The following ANKRD36B variants were observed in gnomAD, a reference collection of about 807,000 sequenced individuals.
ANKRD36B encodes the protein ankyrin repeat domain-containing protein 36B.
Under a neutral mutation model 135.7 loss-of-function variants are expected in ANKRD36B, and 37 were observed. The observed-to-expected ratio is 0.27, with a 90% CI of 0.21 to 0.36. The LOEUF is 0.36. ANKRD36B is among the 10% of genes least tolerant of loss of function. The pLI is 1.00. For missense variants in ANKRD36B, 549 were observed against 1,037.1 expected, an observed-to-expected ratio of 0.53 and a Z score of 6.46; for synonymous variants, 179 against 348.1, an observed-to-expected ratio of 0.51 and a Z score of 5.41.
At chr2:97,565,542 G>A (rs1417421269) in intron 6 of ANKRD36B, among the ~76,000 whole-genome samples, 1 of 152,146 alleles carries the variant, frequency 6.6e-6, no homozygotes, top group Non-Finnish European at 1.5e-5. Context: ...GTGGGCAAAG[G>A]ATATGAACAG....
At chr2:97,547,388 T>A (rs910828401) in intron 22 of ANKRD36B, 148 bp downstream of exon 22, 16 of 990,986 alleles carry the variant, frequency 1.6e-5, no homozygotes, top group African/African-American at 9.8e-5. Context: ...AGCAACACTA[T>A]CACCCACGAA....
intron 4 of ANKRD36B, among the ~76,000 whole-genome samples, chr2:97,579,566 G>A (rs1425683694): frequency 2.1e-5 from 3 of 144,602 alleles, no homozygotes; most frequent in East Asian, 2.0e-4. Flanking sequence ...TCCTTCAAGG[G>A]TGGTTGTGTA....
At chr2:97,564,165 T>A (rs7587359) in intron 6 of ANKRD36B, among the ~76,000 whole-genome samples, 85,307 of 149,716 alleles carry the variant, frequency 0.57, 25,515 homozygotes, top group Non-Finnish European at 0.67. Flanking sequence ...TTGCTTTTTT[T>A]AAAAAAAAAT....
Position 97,585,114 on chromosome 2 carries a change from C to T in ANKRD36B, c.280G>A (p.Val94Ile), listed in dbSNP as rs1388244606. ...GCACAAGCCTCCTGCCTCAGTTGTA[C>T]AGCCTGTCAGTATTAGACCGAGAAA... Reference protein sequence around the residue: ...REDRTPLIKAVQLRQEACATL... With the variant: ...REDRTPLIKAIQLRQEACATL... The change falls in exon 3 of 44, where the codon GTA becomes ATA. Residue 94 changes from valine (V) to isoleucine (I), a missense_variant. Transcript: ENST00000359901. The T allele has an allele frequency of 1.2e-5, 19 of 1,613,512 alleles. No homozygotes were observed. Among genetic ancestry groups the T allele is most frequent in the South Asian group, 6.6e-5 (6 of 91,038 alleles).
At chr2:97,558,203 T>C (rs2080702598) in intron 10 of ANKRD36B, among the ~76,000 whole-genome samples, 1 of 152,040 alleles carries the variant, frequency 6.6e-6, no homozygotes, top group Non-Finnish European at 1.5e-5. Flanking sequence ...TAGTACTCCT[T>C]CCTGCTTCCA....
At chr2:97,578,833 T>C (rs564251461) in intron 5 of ANKRD36B, 73 bp downstream of exon 5, 95 of 1,558,968 alleles carry the variant, frequency 6.1e-5, no homozygotes, top group Non-Finnish European at 8.3e-5. Flanking sequence ...TCACCTGATA[T>C]ATAAGATGCA....
In ANKRD36B at chr2:97,525,010, AAAT is replaced by A. The variant is rs2078117348; in HGVS notation, c.2266-1546_2266-1544del. On this transcript the variant is annotated intron_variant, in intron 35 of 43. Coordinates refer to ENST00000359901, the MANE Select transcript of ANKRD36B (RefSeq NM_001393939.1). ...ATGTTTTAGAAATAACTCTATCTTT[AAAT>A]AATCAAGTGTAAAAAGAGAAAAATT... 3.1e-5 allele frequency: 3 copies of A among 97,680 alleles called. 1 individual carries two copies. In the South Asian group the frequency reaches 7.0e-4, roughly 23 times the overall value. 6.1% of individuals were successfully genotyped at this position (97,680 alleles called of 1,614,324 possible). A position where few individuals can be genotyped will look rare whatever the true frequency, so the allele number is the denominator to read the frequency against.
chr2:97,557,789 C>T lies in ANKRD36B; in HGVS notation c.968-657G>A, dbSNP rs1254251986. The stretch of plus-strand genomic sequence containing the variant: ...GCTACAGAAAGGTTCTTCATCCACT[C>T]GTGGCAACAAATATAATACATAAAC... On this transcript the variant is annotated intron_variant, in intron 10 of 43. Transcript: ENST00000359901. Among the ~76,000 whole-genome samples the T allele has an allele frequency of 9.9e-5, 15 of 151,716 alleles. 1 individual carries two copies. The East Asian group carries it at 2.7e-3, about 28-fold the overall frequency.
intron 6 of ANKRD36B, among the ~76,000 whole-genome samples, chr2:97,570,834 A>T (rs528116060): frequency 6.6e-6 from 1 of 152,330 alleles, no homozygotes; most frequent in African/African-American, 2.4e-5. Flanking sequence ...CCAAACACAG[A>T]GGTGGTCTTG....
At chr2:97,585,872 G>A (rs1007489403) in intron 1 of ANKRD36B, among the ~76,000 whole-genome samples, 2 of 152,142 alleles carry the variant, frequency 1.3e-5, no homozygotes, top group Non-Finnish European at 2.9e-5. Context: ...AAGATTAGAT[G>A]TATCATTGTA....
intron 14 of ANKRD36B, 106 bp from the exon 15 acceptor site, chr2:97,553,477 G>A: frequency 7.4e-7 from 1 of 1,342,684 alleles, no homozygotes; most frequent in South Asian, 1.3e-5. Context: ...CTGTATTAGT[G>A]TAGGCTTTGA....
intron 18 of ANKRD36B, among the ~76,000 whole-genome samples, chr2:97,550,383 T>A (rs915518206): frequency 6.6e-6 from 1 of 151,890 alleles, no homozygotes; most frequent in Non-Finnish European, 1.5e-5. Flanking sequence ...TGTTTTACAT[T>A]CAGAAATCAT....
chr2:97,538,398 G>A lies in ANKRD36B; in HGVS notation c.1988-35C>T. The A allele has an allele frequency of 2.2e-6, 2 of 895,966 alleles. 1 individual carries two copies. The highest frequency in any genetic ancestry group is 3.3e-6 in the Non-Finnish European group (2 of 601,820). 55.5% of individuals were successfully genotyped at this position (895,966 alleles called of 1,614,324 possible). A position where few individuals can be genotyped will look rare whatever the true frequency, so the allele number is the denominator to read the frequency against. ...AAAAGAAATATATAATCCATCATAT[G>A]TAAATATGATAAAGTTATCCACACA... On this transcript the variant is annotated intron_variant, in intron 30 of 43. Coordinates refer to ENST00000359901, the MANE Select transcript of ANKRD36B (RefSeq NM_001393939.1).
At chr2:97,563,783 G>A (rs2081228204) in intron 6 of ANKRD36B, among the ~76,000 whole-genome samples, 1 of 152,100 alleles carries the variant, frequency 6.6e-6, no homozygotes, top group Non-Finnish European at 1.5e-5. Context: ...TGCTTGCTAG[G>A]ATTTCCAATA....
intron 3 of ANKRD36B, among the ~76,000 whole-genome samples, chr2:97,581,884 C>T (rs1368570863): frequency 6.6e-6 from 1 of 151,964 alleles, no homozygotes; most frequent in Non-Finnish European, 1.5e-5. Context: ...CTCACTGCAA[C>T]CTCCGCCTCC....
chr2:97,578,594 T>C (rs899554223), intron 5 of ANKRD36B, among the ~76,000 whole-genome samples: 10 of 152,012 alleles, frequency 6.6e-5, no homozygotes, highest in African/African-American at 2.4e-4. Context: ...AAATCAAAGA[T>C]GTGAAACTAC....
chr2:97,571,214 C>G (rs1030830035), intron 6 of ANKRD36B, among the ~76,000 whole-genome samples: 3 of 152,192 alleles, frequency 2.0e-5, no homozygotes, highest in Non-Finnish European at 4.4e-5. Flanking sequence ...TGCAATGACA[C>G]GCACCTGTAG....
At chr2:97,548,860 G>T (rs1296786105) in intron 20 of ANKRD36B, among the ~76,000 whole-genome samples, 4 of 151,844 alleles carry the variant, frequency 2.6e-5, no homozygotes, top group Non-Finnish European at 5.9e-5. Context: ...TATTCCAAAT[G>T]CATCTGAAGT....
At position 97,543,156 on chromosome 2, in the gene ANKRD36B, C is replaced by G. The variant is rs1210582054; in HGVS notation, c.1783+634G>C. Among the ~76,000 whole-genome samples the G allele has an allele frequency of 5.9e-5, 9 of 152,082 alleles. No individual in the cohort carries two copies. The South Asian group carries it at 1.5e-3, about 25-fold the overall frequency. On this transcript the variant is annotated intron_variant, in intron 26 of 43. Transcript: ENST00000359901. ...AGTAATTAGTAAATGAAGTTTATCC[C>G]AATTCTAGCATTATCTCCTGCACCC...
Sources: gnomAD v4.1 joint callset for allele counts (sites outside exome capture counted in the v4.1 genomes callset) on GRCh38, gnomAD v4.1.1 for gene constraint, MANE v1.5 for transcripts, NCBI Gene and HGNC (gene_info 2026-07-23, HGNC 2026-07-21) for gene names.